The following STXBP3 variants were observed in gnomAD, a reference collection of about 807,000 sequenced individuals.
STXBP3 encodes the protein syntaxin-binding protein 3.
STXBP3 carries 41 observed loss-of-function variants against 85.7 expected under a neutral mutation model. The observed-to-expected ratio is 0.48, with a 90% CI of 0.37 to 0.62. The LOEUF (loss-of-function observed/expected upper bound fraction) is 0.62. STXBP3 is among the 20% of genes least tolerant of loss of function. STXBP3 has a pLI of 0.00. For synonymous variants in STXBP3, 229 were observed against 231.7 expected, an observed-to-expected ratio of 0.99 and a Z score of 0.10; for missense variants, 563 against 703.1, an observed-to-expected ratio of 0.80 and a Z score of 2.25.
At chr1:108,796,769 A>ATGTATGGT (rs1174204566) in intron 15 of STXBP3, 43 bp downstream of exon 15, 2 of 1,467,418 alleles carry the variant, frequency 1.4e-6, no homozygotes, top group African/African-American at 2.9e-5. Flanking sequence ...ATGTATGTGT[A>ATGTATGGT]TGTATGGTTG....
chr1:108,760,034 A>G lies in STXBP3; in HGVS notation c.387A>G (p.Ser129=), dbSNP rs765887747. Residue 129 remains serine, a synonymous_variant, in exon 6 of 19, where the codon TCA becomes TCG. Transcript: ENST00000370008. ...FNKIKASCSK[S]IRRCKEINIS... is the part of the protein sequence containing the mutation. ...AAATTAAGGCTTCTTGCTCCAAGTC[A>G]ATAAGAAGATGTAAAGAAATAAATA... 14 of 1,576,882 alleles carry G rather than the reference A, an allele frequency of 8.9e-6. No homozygotes were observed. Among genetic ancestry groups the G allele is most frequent in the Non-Finnish European group, 1.2e-5 (14 of 1,166,960 alleles).
chr1:108,777,601 A>G (rs1415886625), intron 8 of STXBP3, among the ~76,000 whole-genome samples: 1 of 152,182 alleles, frequency 6.6e-6, no homozygotes, highest in East Asian at 1.9e-4. Flanking sequence ...GAGATATACA[A>G]TCAAATATGC....
chr1:108,754,034 T>TTC (rs1240871093), intron 3 of STXBP3, among the ~76,000 whole-genome samples: 4 of 14,464 alleles, frequency 2.8e-4, no homozygotes, highest in Non-Finnish European at 8.7e-4. Context: ...TAAAATAATC[T>TTC]TTTTTTTTTT....
At chr1:108,753,230 T>G in intron 3 of STXBP3, 86 bp downstream of exon 3, 2 of 873,924 alleles carry the variant, frequency 2.3e-6, no homozygotes, top group Non-Finnish European at 3.3e-6. Context: ...GTTGTGTTTC[T>G]AAGGAGCTTA....
intron 11 of STXBP3, among the ~76,000 whole-genome samples, chr1:108,792,204 T>C (rs1662987646): frequency 2.0e-5 from 3 of 152,188 alleles, no homozygotes; most frequent in African/African-American, 7.2e-5. Flanking sequence ...AGAAAATAAA[T>C]TCTAGTTCTC....
intron 2 of STXBP3, 75 bp from the exon 3 acceptor site, chr1:108,752,988 T>C (rs565711082): frequency 9.5e-6 from 11 of 1,158,350 alleles, no homozygotes; most frequent in African/African-American, 1.6e-5. Context: ...TTATAAAGTT[T>C]AATGGATAAA....
intron 18 of STXBP3, among the ~76,000 whole-genome samples, chr1:108,808,328 A>AATT (rs1178923080): frequency 1.3e-5 from 2 of 152,212 alleles, no homozygotes; most frequent in African/African-American, 2.4e-5. Context: ...CCTGGGCAAT[A>AATT]AAGCAAAACT....
At chr1:108,793,692 A>C in intron 12 of STXBP3, 45 bp downstream of exon 12, 1 of 1,511,606 alleles carries the variant, frequency 6.6e-7, no homozygotes, top group Non-Finnish European at 9.1e-7. Context: ...TTTAGTTTAT[A>C]TTCAGTTTAT....
At chr1:108,792,949 A>G (rs1663007397) in intron 11 of STXBP3, among the ~76,000 whole-genome samples, 1 of 152,132 alleles carries the variant, frequency 6.6e-6, no homozygotes, top group Non-Finnish European at 1.5e-5. Context: ...TATTCTTAGC[A>G]CTAAGACCCC....
At chr1:108,808,695 T>C (rs1021249297) in intron 18 of STXBP3, 88 bp from the exon 19 acceptor site, 13 of 1,034,822 alleles carry the variant, frequency 1.3e-5, no homozygotes, top group Non-Finnish European at 1.9e-5. Context: ...TACTGCACTT[T>C]ACATATTTGA....
intron 9 of STXBP3, chr1:108,779,698 A>C (rs1005838252): frequency 1.3e-5 from 2 of 156,214 alleles, no homozygotes; most frequent in Non-Finnish European, 2.4e-5. Flanking sequence ...TTTTGCTTTT[A>C]AAAGTAAATA....
chr1:108,779,177 G>A, intron 8 of STXBP3, 109 bp from the exon 9 acceptor site: 2 of 1,190,842 alleles, frequency 1.7e-6, no homozygotes, highest in South Asian at 2.0e-5. Context: ...TTTTGGTGGG[G>A]AAAAGGGACA....
intron 17 of STXBP3, among the ~76,000 whole-genome samples, chr1:108,804,833 C>A (rs1663294991): frequency 6.6e-6 from 1 of 152,244 alleles, no homozygotes; most frequent in Non-Finnish European, 1.5e-5. Context: ...AGCTCCCAAT[C>A]TGTACCTTGC....
At chr1:108,765,967 T>C (rs1453549983) in intron 6 of STXBP3, among the ~76,000 whole-genome samples, 2 of 150,560 alleles carry the variant, frequency 1.3e-5, no homozygotes, top group Non-Finnish European at 3.0e-5. Flanking sequence ...ATTTTCCTGA[T>C]TCAGCCTCCC....
chr1:108,792,813 TG>T (rs1663005198), intron 11 of STXBP3, among the ~76,000 whole-genome samples: 1 of 152,224 alleles, frequency 6.6e-6, no homozygotes, highest in Non-Finnish European at 1.5e-5. Flanking sequence ...TGTAACTTCA[TG>T]TTAGACAATG....
Position 108,809,111 on chromosome 1 carries a change from GA to G in STXBP3, c.*237del. On this transcript the variant is annotated 3_prime_UTR_variant, in exon 19 of 19. Transcript: ENST00000370008. ...GAAATGTTAAAGTGCTTTCTAAAAG[GA>G]AATTTTTTCACCTTTGGAGGAGAAT... is the stretch of plus-strand genomic sequence containing the variant. The G allele has an allele frequency of 5.3e-6, 2 of 377,372 alleles. No homozygotes were observed. Among genetic ancestry groups the G allele is most frequent in the Non-Finnish European group, 9.4e-6 (2 of 212,262 alleles). 23.4% of individuals were successfully genotyped at this position (377,372 alleles called of 1,614,324 possible). A position where few individuals can be genotyped will look rare whatever the true frequency, so the allele number is the denominator to read the frequency against.
At chr1:108,796,964 A>G (rs1663116671) in intron 15 of STXBP3, among the ~76,000 whole-genome samples, 1 of 152,034 alleles carries the variant, frequency 6.6e-6, no homozygotes, top group Non-Finnish European at 1.5e-5. Flanking sequence ...TTTTGTCTTT[A>G]TGATTCATTT....
chr1:108,793,270 G>A (rs193288977), intron 11 of STXBP3, among the ~76,000 whole-genome samples: 16 of 149,134 alleles, frequency 1.1e-4, no homozygotes, highest in Admixed American at 2.7e-4. Context: ...GGAAGGGTGC[G>A]TGCAGGGATC....
At chr1:108,749,837 A>T (rs1223984286) in intron 1 of STXBP3, among the ~76,000 whole-genome samples, 1 of 152,370 alleles carries the variant, frequency 6.6e-6, no homozygotes, top group East Asian at 1.9e-4. Context: ...AGAAATTTAA[A>T]GCACATATGT....
Sources: gnomAD v4.1 joint callset for allele counts (sites outside exome capture counted in the v4.1 genomes callset) on GRCh38, gnomAD v4.1.1 for gene constraint, MANE v1.5 for transcripts, NCBI Gene and HGNC (gene_info 2026-07-23, HGNC 2026-07-21) for gene names.